The following DNM3 variants were observed in gnomAD, a reference collection of about 807,000 sequenced individuals.
DNM3 encodes dynamin-3.
A neutral mutation model predicts 101.6 loss-of-function variants in DNM3; 47 were observed. The observed-to-expected ratio is 0.46, with a 90% confidence interval of 0.37 to 0.59. The LOEUF (loss-of-function observed/expected upper bound fraction) is 0.59. Among genes scored for constraint, DNM3 ranks in the 20% least tolerant of loss-of-function variants. DNM3 has a pLI of 0.00. For missense variants in DNM3, 849 were observed against 1,085.7 expected, an observed-to-expected ratio of 0.78 and a Z score of 3.06; for synonymous variants, 385 against 387.9, an observed-to-expected ratio of 0.99 and a Z score of 0.09.
At chr1:172,040,154 G>C (rs1224937734) in intron 7 of DNM3, among the ~76,000 whole-genome samples, 1 of 152,132 alleles carries the variant, frequency 6.6e-6, no homozygotes, top group Non-Finnish European at 1.5e-5. Context: ...CTGAGGTATA[G>C]GGTTTAAGGG....
At chr1:172,148,139 T>C (rs1042722793) in intron 14 of DNM3, among the ~76,000 whole-genome samples, 4 of 152,110 alleles carry the variant, frequency 2.6e-5, no homozygotes, top group Non-Finnish European at 2.9e-5. Flanking sequence ...CGAATTCTTA[T>C]AGTGCTTATA....
chr1:172,150,420 T>C (rs1468868244), intron 14 of DNM3, among the ~76,000 whole-genome samples: 1 of 152,174 alleles, frequency 6.6e-6, no homozygotes, highest in Non-Finnish European at 1.5e-5. Flanking sequence ...TCAGTGCCAT[T>C]TCACTGCCAC....
chr1:171,941,789 T>C (rs897333466), intron 2 of DNM3, among the ~76,000 whole-genome samples: 182 of 152,308 alleles, frequency 1.2e-3, no homozygotes, highest in African/African-American at 4.1e-3. Context: ...ACCACACATA[T>C]TTCCCATTTC....
At chr1:172,089,161 C>T (rs2053735821) in intron 12 of DNM3, among the ~76,000 whole-genome samples, 1 of 151,414 alleles carries the variant, frequency 6.6e-6, no homozygotes. Context: ...TCTATTACAT[C>T]CTCACATGTT....
At chr1:172,346,340 G>A (rs977495137) in intron 17 of DNM3, among the ~76,000 whole-genome samples, 6 of 152,178 alleles carry the variant, frequency 3.9e-5, no homozygotes, top group Non-Finnish European at 7.3e-5. Flanking sequence ...GCTGCATGAA[G>A]TGCATGTGAA....
chr1:172,102,420 C>T (rs1455455167), intron 13 of DNM3, among the ~76,000 whole-genome samples: 2 of 151,942 alleles, frequency 1.3e-5, no homozygotes, highest in African/African-American at 2.4e-5. Context: ...ATTTGTTCTG[C>T]GTCTTTGAGA....
intron 15 of DNM3, among the ~76,000 whole-genome samples, chr1:172,257,298 G>T (rs976379534): frequency 6.6e-6 from 1 of 152,118 alleles, no homozygotes; most frequent in East Asian, 1.9e-4. Flanking sequence ...ATCTAGAAAG[G>T]GGAACAGGCG....
At chr1:172,004,945 CT>C (rs1433809250) in intron 4 of DNM3, among the ~76,000 whole-genome samples, 1 of 152,028 alleles carries the variant, frequency 6.6e-6, no homozygotes, top group African/African-American at 2.4e-5. Context: ...AAAGTACAAG[CT>C]GTTCTGCTAA....
chr1:172,223,733 C>A (rs74969749), intron 14 of DNM3, among the ~76,000 whole-genome samples: 4,063 of 152,214 alleles, frequency 0.027, 178 homozygotes, highest in African/African-American at 0.091. Context: ...ATTCTCCAAC[C>A]ACCTTAGTCC....
At chr1:172,219,490 C>G (rs967342636) in intron 14 of DNM3, among the ~76,000 whole-genome samples, 1 of 150,798 alleles carries the variant, frequency 6.6e-6, no homozygotes, top group Non-Finnish European at 1.5e-5. Flanking sequence ...ATTTTTATAG[C>G]ATTATATACA....
At chr1:172,236,223 T>C (rs1414605967) in intron 14 of DNM3, among the ~76,000 whole-genome samples, 1 of 152,124 alleles carries the variant, frequency 6.6e-6, no homozygotes, top group Non-Finnish European at 1.5e-5. Flanking sequence ...TGCCCCTACC[T>C]CCAACCCATA....
chr1:172,261,029 C>G (rs1435681772), intron 15 of DNM3, among the ~76,000 whole-genome samples: 1 of 152,014 alleles, frequency 6.6e-6, no homozygotes, highest in Non-Finnish European at 1.5e-5. Flanking sequence ...ATCATAGCAG[C>G]CTCTACCACT....
chr1:172,386,283 A>G (rs904157192), intron 18 of DNM3, among the ~76,000 whole-genome samples: 9 of 151,966 alleles, frequency 5.9e-5, no homozygotes, highest in African/African-American at 2.2e-4. Context: ...TAGTCAGCAC[A>G]TATGATAGTA....
Position 172,267,155 on chromosome 1 carries a change from A to G in DNM3, c.1769+13473A>G, listed in dbSNP as rs181923967. ...TAAATAATTAAAATGTAACAATTCT[A>G]TAACTTCTCTACTGTGAGACTGCTT... is the stretch of plus-strand genomic sequence containing the variant. On this transcript the variant is annotated intron_variant, in intron 15 of 20. Transcript: ENST00000627582. Among the ~76,000 whole-genome samples the G allele has an allele frequency of 2.6e-5, 4 of 152,344 alleles. No individual in the cohort carries two copies. The East Asian group carries it at 7.7e-4, about 29-fold the overall frequency.
intron 14 of DNM3, among the ~76,000 whole-genome samples, chr1:172,199,610 G>A (rs888744166): frequency 4.6e-5 from 7 of 151,926 alleles, no homozygotes; most frequent in African/African-American, 7.2e-5. Context: ...GTGCATATAT[G>A]TTTAGGATAG....
intron 17 of DNM3, among the ~76,000 whole-genome samples, chr1:172,364,605 C>G (rs2422080): frequency 0.98 from 148,946 of 151,862 alleles, 73,068 homozygotes; most frequent in East Asian, 1. Context: ...ATAGCCATAA[C>G]AGAAATATCT....
At chr1:172,389,033 A>G (rs1395582520) in intron 20 of DNM3, 11 of 573,260 alleles carry the variant, frequency 1.9e-5, no homozygotes, top group Non-Finnish European at 3.1e-5. Flanking sequence ...CACAGACTAA[A>G]TAGGACTAAA....
chr1:172,091,976 C>T (rs1436768704), intron 12 of DNM3, among the ~76,000 whole-genome samples: 3 of 151,862 alleles, frequency 2.0e-5, no homozygotes, highest in Admixed American at 6.6e-5. Flanking sequence ...TTCTGATGGT[C>T]GGATATGGGT....
chr1:172,043,183 G>C (rs1002842507), intron 8 of DNM3, among the ~76,000 whole-genome samples: 4 of 152,080 alleles, frequency 2.6e-5, no homozygotes, highest in Admixed American at 2.0e-4. Flanking sequence ...AAGTTGCTAG[G>C]GCTTCGATTG....
Sources: gnomAD v4.1 joint callset for allele counts (sites outside exome capture counted in the v4.1 genomes callset) on GRCh38, gnomAD v4.1.1 for gene constraint, MANE v1.5 for transcripts, NCBI Gene and HGNC (gene_info 2026-07-23, HGNC 2026-07-21) for gene names.